Variants in NFIB observed in about 807,000 individuals in gnomAD.
NFIB encodes the protein nuclear factor 1 B-type.
NFIB carries 11 observed loss-of-function variants against 61.5 expected under a neutral mutation model. That is an observed-to-expected ratio of 0.18 (90% CI 0.11 to 0.30). The LOEUF (loss-of-function observed/expected upper bound fraction) is 0.30, where lower values mean the gene tolerates loss of function less well. NFIB is among the 10% of genes least tolerant of loss of function. The probability of loss-of-function intolerance (pLI) is 1.00; values close to 1 mark genes in which losing one functional copy is unlikely to be tolerated. For missense variants in NFIB, 471 were observed against 608.9 expected (o/e 0.77, Z 2.38); for synonymous variants, 260 against 216.5 (o/e 1.20, Z -1.76).
intron 2 of NFIB, among the ~76,000 whole-genome samples, chr9:14,281,943 G>C (rs375644445): frequency 2.0e-5 from 3 of 152,164 alleles, no homozygotes; most frequent in African/African-American, 7.2e-5. Context: ...TGCTGCATAG[G>C]TCAAATATCT....
chr9:14,252,835 T>G (rs2055794414), intron 2 of NFIB, among the ~76,000 whole-genome samples: 1 of 152,176 alleles, frequency 6.6e-6, no homozygotes, highest in Non-Finnish European at 1.5e-5. Context: ...AGCAAAATAT[T>G]GCACCCATGA....
the NFIB span, among the ~76,000 whole-genome samples, chr9:14,416,074 G>GA: frequency 4.6e-5 from 7 of 152,102 alleles, no homozygotes; most frequent in African/African-American, 1.4e-4. Flanking sequence ...ATAAACCTAA[G>GA]AAAAAAAGTC....
intron 6 of NFIB, among the ~76,000 whole-genome samples, chr9:14,142,705 T>G (rs2041881076): frequency 6.6e-6 from 1 of 152,142 alleles, no homozygotes; most frequent in African/African-American, 2.4e-5. Flanking sequence ...AGTATTGGAA[T>G]AAAAGAAATG....
intron 2 of NFIB, among the ~76,000 whole-genome samples, chr9:14,269,060 G>A (rs891237042): frequency 6.6e-5 from 10 of 151,692 alleles, no homozygotes; most frequent in Non-Finnish European, 1.0e-4. Context: ...GTACATATGA[G>A]TAAATATACA....
intron 10 of NFIB, among the ~76,000 whole-genome samples, chr9:14,089,460 T>C (rs1284252280): frequency 6.6e-6 from 1 of 151,668 alleles, no homozygotes; most frequent in Non-Finnish European, 1.5e-5. Flanking sequence ...AAAAATCAGA[T>C]CTACATATCA....
At chr9:14,372,317 G>A (rs1358368193) in intron 1 of NFIB, among the ~76,000 whole-genome samples, 1 of 152,070 alleles carries the variant, frequency 6.6e-6, no homozygotes, top group African/African-American at 2.4e-5. Context: ...TTAAGCATAA[G>A]GAGCCTCTAA....
Position 14,083,918 on chromosome 9 carries a change from C to G in NFIB, c.*4391G>C, listed in dbSNP as rs149097809. The G allele has an allele frequency of 3.1e-3, 680 of 222,048 alleles. 3 individuals carry two copies. Among genetic ancestry groups the G allele is most frequent in the Non-Finnish European group, 5.2e-3 (571 of 110,826 alleles). The allele number at this position is 222,048 out of a possible 1,614,324, so 13.8% of individuals were successfully genotyped here. ...TGAAACTTAACCTTAAATACCATCACGTAACAATCACAAAAACTTTTGCTA... is the reference window on the plus strand; with the variant it reads ...TGAAACTTAACCTTAAATACCATCAGGTAACAATCACAAAAACTTTTGCTA... On this transcript the variant is annotated 3_prime_UTR_variant, in exon 11 of 11. Transcript: ENST00000380953.
At chr9:14,276,849 T>G (rs1371227781) in intron 2 of NFIB, among the ~76,000 whole-genome samples, 1 of 152,066 alleles carries the variant, frequency 6.6e-6, no homozygotes, top group East Asian at 1.9e-4. Flanking sequence ...TATTGTAAAC[T>G]GAATTCAGAT....
At chr9:14,196,788 TTAAG>T (rs2048520825) in intron 2 of NFIB, among the ~76,000 whole-genome samples, 1 of 152,192 alleles carries the variant, frequency 6.6e-6, no homozygotes, top group African/African-American at 2.4e-5. Context: ...GACTACTTAA[TTAAG>T]TGTTTTCTTA....
Position 14,333,878 on chromosome 9 carries a change from T to C in NFIB, c.109-26358A>G, listed in dbSNP as rs545218097. Among the ~76,000 whole-genome samples, 6 of 152,342 alleles carry C rather than the reference T, an allele frequency of 3.9e-5. No individual in the cohort carries two copies. The East Asian group carries it at 9.6e-4, about 24-fold the overall frequency. ...AATCTCAGCAAATTACTAGCCCTAA[T>C]ATTCTTCCCAAAGACAACCGCTGTA... On this transcript the variant is annotated intron_variant, in intron 1 of 8. Coordinates refer to the NFIB transcript ENST00000380934.
intron 1 of NFIB, among the ~76,000 whole-genome samples, chr9:14,381,894 C>G (rs1444794981): frequency 1.3e-5 from 2 of 152,186 alleles, no homozygotes; most frequent in East Asian, 3.8e-4. Flanking sequence ...TTTGAGTGCT[C>G]CTAATTCAAG....
At chr9:14,518,068 T>C in the NFIB span, among the ~76,000 whole-genome samples, 38 of 152,202 alleles carry the variant, frequency 2.5e-4, no homozygotes, top group Admixed American at 2.5e-3. Flanking sequence ...AAATACACTA[T>C]AAAAAATTTT....
chr9:14,121,396 C>A (rs546688558), intron 7 of NFIB, among the ~76,000 whole-genome samples: 6 of 152,260 alleles, frequency 3.9e-5, no homozygotes, highest in African/African-American at 1.4e-4. Context: ...AAATTTTCTA[C>A]CAAAATTAAA....
chr9:14,121,101 GA>G (rs1440351136), intron 7 of NFIB, among the ~76,000 whole-genome samples: 2 of 151,986 alleles, frequency 1.3e-5, no homozygotes, highest in Admixed American at 6.6e-5. Context: ...CATCGCTACT[GA>G]AAATACAAAA....
chr9:14,402,773 T>C (rs566036087), upstream of NFIB, among the ~76,000 whole-genome samples: 1 of 152,334 alleles, frequency 6.6e-6, no homozygotes, highest in Admixed American at 6.5e-5. Context: ...CACTGTCACG[T>C]GGCAGATGGC....
In NFIB at chr9:14,082,633, T is replaced by G. The variant is rs1587023971; in HGVS notation, c.*5676A>C. 9.7e-6 allele frequency: 2 copies of G among 205,718 alleles called. No individual in the cohort carries two copies. The highest frequency in any genetic ancestry group is 1.5e-4 in the East Asian group (2 of 13,534). The allele number at this position is 205,718 out of a possible 1,614,324, so 12.7% of individuals were successfully genotyped here. On this transcript the variant is annotated 3_prime_UTR_variant, in exon 11 of 11. Coordinates refer to ENST00000380953, the MANE Select transcript of NFIB (RefSeq NM_001190737.2). ...GACTGTGAAATTGAACAGGCACTGC[T>G]CATTTGTTTGAGTTTTTTGGTAAAC...
chr9:14,514,323 T>TACACAC, the NFIB span, among the ~76,000 whole-genome samples: 723 of 147,396 alleles, frequency 4.9e-3, 3 homozygotes, highest in African/African-American at 0.012. Context: ...CATACATACA[T>TACACAC]ACATACACAC....
At chr9:14,312,163 C>G (rs1429864365) in intron 1 of NFIB, among the ~76,000 whole-genome samples, 1 of 152,234 alleles carries the variant, frequency 6.6e-6, no homozygotes, top group Non-Finnish European at 1.5e-5. Flanking sequence ...CAAAAAGCTA[C>G]AGGACTGTAT....
At chr9:14,129,322 T>A (rs1468797021) in intron 6 of NFIB, among the ~76,000 whole-genome samples, 1 of 148,478 alleles carries the variant, frequency 6.7e-6, no homozygotes, top group African/African-American at 2.5e-5. Flanking sequence ...AAAAATACAC[T>A]GCTACACAGC....
Sources: allele counts gnomAD v4.1 joint callset (sites outside exome capture counted in the v4.1 genomes callset), GRCh38; gene constraint gnomAD v4.1.1; transcripts MANE v1.5; gene names NCBI Gene and HGNC (gene_info 2026-07-23, HGNC 2026-07-21).